DBF4: variants seen among roughly 807,000 people sequenced by gnomAD.
DBF4 encodes the protein protein DBF4 homolog A.
Under a neutral mutation model 76.6 loss-of-function variants are expected in DBF4, and 25 were observed. The observed-to-expected ratio is 0.33, with a 90% CI of 0.24 to 0.46. DBF4 has a LOEUF of 0.46. Ranked by LOEUF, DBF4 falls within the 20% of genes least tolerant of loss-of-function variation. The pLI is 1.00. For missense variants in DBF4, 638 were observed against 760.8 expected, an observed-to-expected ratio of 0.84 and a Z score of 1.90; for synonymous variants, 213 against 258.0, an observed-to-expected ratio of 0.83 and a Z score of 1.67.
chr7:87,907,802 C>T lies in DBF4; in HGVS notation c.1664C>T (p.Pro555Leu). Residue 555 changes from proline (P) to leucine (L), a missense_variant, in exon 12 of 12, where the codon CCT (proline) becomes CTT (leucine). Pro to Leu is a moderately conservative substitution (Grantham distance 98, BLOSUM62 -3). Coordinates refer to ENST00000265728, the MANE Select transcript of DBF4 (RefSeq NM_006716.4). ...GCAAAGGCTCCATTCCATACTCCTCCTGAGGAACCCAATGAATGTGACTTC... is the reference window on the plus strand; with the variant it reads ...GCAAAGGCTCCATTCCATACTCCTCTTGAGGAACCCAATGAATGTGACTTC... ...VQAKAPFHTP[P>L]EEPNECDFKN... 6.2e-7 allele frequency: 1 copy of T among 1,613,154 alleles called. No homozygotes were observed. Among genetic ancestry groups the T allele is most frequent in the Non-Finnish European group, 8.5e-7 (1 of 1,179,250 alleles).
At chr7:87,878,966 A>T (rs560169759) in intron 2 of DBF4, among the ~76,000 whole-genome samples, 2 of 152,184 alleles carry the variant, frequency 1.3e-5, no homozygotes, top group South Asian at 4.1e-4. Flanking sequence ...TTTGAGACGG[A>T]GTCTCATTCT....
chr7:87,885,325 G>A (rs1315594654), intron 3 of DBF4, 167 bp downstream of exon 3: 9 of 524,196 alleles, frequency 1.7e-5, no homozygotes, highest in Non-Finnish European at 2.6e-5. Context: ...TAGGAAGGTG[G>A]GTTTTTCCTA....
Position 87,908,703 on chromosome 7 carries a change from A to G in DBF4, c.*540A>G, listed in dbSNP as rs1318730176. On this transcript the variant is annotated 3_prime_UTR_variant, in exon 12 of 12. Transcript: ENST00000265728. Reference sequence around the variant, plus strand: ...TTATGTATAGGGGTAACTGGAAGCCATGAAGGAAGGACTTAACCAGGCTAC... The same window carrying G: ...TTATGTATAGGGGTAACTGGAAGCCGTGAAGGAAGGACTTAACCAGGCTAC... 2 of 152,232 alleles carry G rather than the reference A, an allele frequency of 1.3e-5. No homozygotes were observed. Among genetic ancestry groups the G allele is most frequent in the African/African-American group, 4.8e-5 (2 of 41,458 alleles). 9.4% of individuals were successfully genotyped at this position (152,232 alleles called of 1,614,324 possible). A position where few individuals can be genotyped will look rare whatever the true frequency, so the allele number is the denominator to read the frequency against.
At chr7:87,883,662 A>G (rs777515807) in intron 2 of DBF4, among the ~76,000 whole-genome samples, 32 of 152,320 alleles carry the variant, frequency 2.1e-4, no homozygotes, top group Non-Finnish European at 3.4e-4. Flanking sequence ...AATGATTTGC[A>G]CTTAACCAAG....
At chr7:87,885,641 T>C (rs1839327487) in intron 3 of DBF4, among the ~76,000 whole-genome samples, 1 of 152,228 alleles carries the variant, frequency 6.6e-6, no homozygotes, top group African/African-American at 2.4e-5. Context: ...TCAGATTTCA[T>C]TGTCATAATG....
chr7:87,896,565 A>G, intron 7 of DBF4, 55 bp downstream of exon 7: 1 of 1,498,626 alleles, frequency 6.7e-7, no homozygotes, highest in Non-Finnish European at 9.2e-7. Context: ...AAATCATAAA[A>G]GATCTTCTAA....
chr7:87,876,657 G>A lies in DBF4; in HGVS notation c.-76G>A, dbSNP rs10255051. On this transcript the variant is annotated 5_prime_UTR_variant, in exon 1 of 12. Coordinates refer to ENST00000265728, the MANE Select transcript of DBF4 (RefSeq NM_006716.4). ...GAGGCGGCCGTCCTGTCAACAGGCC[G>A]GGGGAAGCCGTGCTTTCGCGGCTGC... 0.033 allele frequency: 50,911 copies of A among 1,538,614 alleles called. 1,224 individuals are homozygous for A. Among genetic ancestry groups the A allele is most frequent in the East Asian group, 0.1 (4,397 of 43,740 alleles).
At chr7:87,899,086 A>C (rs1432061179) in intron 8 of DBF4, among the ~76,000 whole-genome samples, 1 of 152,210 alleles carries the variant, frequency 6.6e-6, no homozygotes, top group Non-Finnish European at 1.5e-5. Context: ...TCATGTTCAA[A>C]AATTAACTCA....
At chr7:87,905,302 G>T (rs531053380) in intron 11 of DBF4, among the ~76,000 whole-genome samples, 1 of 152,236 alleles carries the variant, frequency 6.6e-6, no homozygotes, top group Non-Finnish European at 1.5e-5. Context: ...ATAGACTGAC[G>T]GCTAGATTTT....
At chr7:87,877,894 C>G (rs1414978522) in intron 1 of DBF4, among the ~76,000 whole-genome samples, 159 bp from the exon 2 acceptor site, 1 of 152,160 alleles carries the variant, frequency 6.6e-6, no homozygotes, top group Non-Finnish European at 1.5e-5. Context: ...GGCATTTTGC[C>G]TCTATCCTAA....
At chr7:87,890,637 A>ATACTTAATT (rs1839463133) in intron 6 of DBF4, among the ~76,000 whole-genome samples, 1 of 152,156 alleles carries the variant, frequency 6.6e-6, no homozygotes, top group African/African-American at 2.4e-5. Flanking sequence ...AACAAAGGGG[A>ATACTTAATT]GGGGAAGATT....
chr7:87,894,465 A>G (rs1473395469), intron 6 of DBF4, among the ~76,000 whole-genome samples: 2 of 152,200 alleles, frequency 1.3e-5, no homozygotes, highest in Non-Finnish European at 2.9e-5. Flanking sequence ...AAAAAAAGAA[A>G]AAAAAAGTTG....
chr7:87,895,552 G>A (rs1839611902), intron 6 of DBF4, among the ~76,000 whole-genome samples: 1 of 151,922 alleles, frequency 6.6e-6, no homozygotes, highest in Non-Finnish European at 1.5e-5. Context: ...GGTGGTTGTG[G>A]GTGGGGTGGA....
At chr7:87,881,154 C>T (rs1839204483) in intron 2 of DBF4, among the ~76,000 whole-genome samples, 1 of 152,190 alleles carries the variant, frequency 6.6e-6, no homozygotes, top group Non-Finnish European at 1.5e-5. Flanking sequence ...CGCATGTAAT[C>T]CTAGCACTTT....
At chr7:87,886,816 GT>G in intron 3 of DBF4, 27 bp from the exon 4 acceptor site, 2 of 1,393,520 alleles carry the variant, frequency 1.4e-6, no homozygotes, top group Non-Finnish European at 2.0e-6. Flanking sequence ...TAAGCACTAT[GT>G]TTTAAATTTT....
chr7:87,908,118 A>T lies in DBF4; in HGVS notation c.1980A>T (p.Thr660=), dbSNP rs1186471550. The T allele has an allele frequency of 6.2e-7, 1 of 1,606,548 alleles. No homozygotes were observed. Among genetic ancestry groups the T allele is most frequent in the Non-Finnish European group, 8.5e-7 (1 of 1,177,010 alleles). Residue 660 remains threonine, a synonymous_variant, in exon 12 of 12, where the codon ACA becomes ACT. Transcript: ENST00000265728. ...AGGAAAATTCAGATAATCTGTTAAC[A>T]GCGTTTTTCTCGTCCCCTTCAACTT... is the stretch of plus-strand genomic sequence containing the variant. ...WEEENSDNLL[T]AFFSSPSTST... is the part of the protein sequence containing the mutation.
At chr7:87,903,371 G>A (rs549229302) in intron 10 of DBF4, among the ~76,000 whole-genome samples, 81 of 152,326 alleles carry the variant, frequency 5.3e-4, no homozygotes, top group Non-Finnish European at 8.4e-4. Context: ...AAGCCACTGC[G>A]CCCAGTGGTT....
intron 10 of DBF4, among the ~76,000 whole-genome samples, chr7:87,903,665 A>C (rs764570343): frequency 2.2e-5 from 3 of 139,436 alleles, no homozygotes; most frequent in Non-Finnish European, 4.7e-5. Flanking sequence ...CCAAAATGTT[A>C]CTGTTGTCTC....
chr7:87,886,536 A>G (rs1185649661), intron 3 of DBF4, among the ~76,000 whole-genome samples: 1 of 58,454 alleles, frequency 1.7e-5, no homozygotes, highest in East Asian at 4.9e-4. Flanking sequence ...CTTTGTCTCC[A>G]AAAAAAAAAA....
Sources: allele counts gnomAD v4.1 joint callset (sites outside exome capture counted in the v4.1 genomes callset), GRCh38; gene constraint gnomAD v4.1.1; transcripts MANE v1.5; gene names NCBI Gene and HGNC (gene_info 2026-07-23, HGNC 2026-07-21).